TTLL5: variants seen among roughly 807,000 people sequenced by gnomAD.
TTLL5 encodes the protein tubulin polyglutamylase TTLL5.
TTLL5 carries 132 observed loss-of-function variants against 168.4 expected under a neutral mutation model. The observed-to-expected ratio is 0.78, with a 90% CI of 0.68 to 0.91. The LOEUF is 0.91. TTLL5 is among the 40% of genes least tolerant of loss of function. The probability of loss-of-function intolerance (pLI) is 0.00; values close to 1 mark genes in which losing one functional copy is unlikely to be tolerated. For synonymous variants in TTLL5, 546 were observed against 558.6 expected (o/e 0.98, Z 0.32); for missense variants, 1,545 against 1,581.5 (o/e 0.98, Z 0.39).
intron 20 of TTLL5, among the ~76,000 whole-genome samples, chr14:75,770,179 G>GAAAAAAAAAAAA (rs56876692): frequency 3.3e-4 from 28 of 84,956 alleles, no homozygotes; most frequent in Non-Finnish European, 3.8e-4. Context: ...ACTCTGTCTC[G>GAAAAAAAAAAAA]AAAAAAAAAA....
rs940865913 is a variant in TTLL5 at position 75,669,732 on chromosome 14, G to T, written c.181+210G>T. On this transcript the variant is annotated intron_variant, in intron 3 of 31. Coordinates refer to ENST00000298832, the MANE Select transcript of TTLL5 (RefSeq NM_015072.5). ...TTTTTCAAGAATATTGTGTACATGT[G>T]TTTTTTTTTTAATTGTGGTAAAATA... 4.0e-5 allele frequency among the ~76,000 whole-genome samples: 6 copies of T among 149,044 alleles called. No individual in the cohort carries two copies. In the South Asian group the frequency reaches 8.5e-4, roughly 21 times the overall value.
chr14:75,782,209 G>T (rs919567645), intron 24 of TTLL5, among the ~76,000 whole-genome samples: 21 of 151,966 alleles, frequency 1.4e-4, no homozygotes, highest in Non-Finnish European at 2.9e-5. Flanking sequence ...ATAAGCCCTA[G>T]CTTGTTGGCT....
intron 14 of TTLL5, 61 bp from the exon 15 acceptor site, chr14:75,735,134 A>C: frequency 6.7e-7 from 1 of 1,486,388 alleles, no homozygotes; most frequent in Non-Finnish European, 9.4e-7. Flanking sequence ...GAAAAGGTGC[A>C]GCCAGACCTG....
chr14:75,670,445 G>A (rs1883650070), intron 3 of TTLL5, among the ~76,000 whole-genome samples: 1 of 152,116 alleles, frequency 6.6e-6, no homozygotes, highest in Non-Finnish European at 1.5e-5. Flanking sequence ...ACCTAGGAAT[G>A]GAATTGCTAG....
chr14:75,813,485 T>C (rs994761979), intron 27 of TTLL5, among the ~76,000 whole-genome samples: 2 of 152,106 alleles, frequency 1.3e-5, no homozygotes, highest in East Asian at 1.9e-4. Flanking sequence ...ATATTTTTAG[T>C]GGAGAAGGGG....
chr14:75,723,941 A>G (rs1387117692), intron 12 of TTLL5, among the ~76,000 whole-genome samples: 1 of 151,816 alleles, frequency 6.6e-6, no homozygotes, highest in Non-Finnish European at 1.5e-5. Context: ...ATACGTGTGT[A>G]TATTTGTATG....
intron 31 of TTLL5, among the ~76,000 whole-genome samples, chr14:75,945,331 G>A (rs1351414266): frequency 1.3e-5 from 2 of 151,148 alleles, no homozygotes; most frequent in Non-Finnish European, 2.9e-5. Context: ...ATCTTGGCTC[G>A]CTGCAACCTC....
chr14:75,901,286 C>A (rs1413117032), intron 30 of TTLL5, among the ~76,000 whole-genome samples: 1 of 152,056 alleles, frequency 6.6e-6, no homozygotes, highest in Non-Finnish European at 1.5e-5. Flanking sequence ...ACTAAGCAAC[C>A]AGTTACACAG....
chr14:75,863,560 CTG>C (rs2030213845), intron 28 of TTLL5, 105 bp from the exon 29 acceptor site: 2 of 1,075,464 alleles, frequency 1.9e-6, no homozygotes, highest in Non-Finnish European at 2.6e-6. Flanking sequence ...TAATTCCAAA[CTG>C]TGCTTGGTTC....
rs74069227 is a variant in TTLL5, at chr14:75,763,327, A to G, written c.1551-1288A>G. 8.7e-3 allele frequency among the ~76,000 whole-genome samples: 1,321 copies of G among 151,600 alleles called. 17 individuals carry two copies. Among genetic ancestry groups the G allele is most frequent in the African/African-American group, 0.03 (1,256 of 41,230 alleles). On this transcript the variant is annotated intron_variant, in intron 18 of 31. Coordinates refer to ENST00000298832, the MANE Select transcript of TTLL5 (RefSeq NM_015072.5). ...GATAAAATACATTGGAACCATTTTT[A>G]AAGTTCATTGATTTGCTTCCCATTT...
intron 28 of TTLL5, among the ~76,000 whole-genome samples, chr14:75,857,282 T>A (rs1021206105): frequency 1.3e-5 from 2 of 152,172 alleles, no homozygotes; most frequent in Non-Finnish European, 2.9e-5. Context: ...TGTGGTGAAT[T>A]ATATGATAGA....
chr14:75,836,326 G>C (rs936713975), intron 28 of TTLL5, among the ~76,000 whole-genome samples: 1 of 152,012 alleles, frequency 6.6e-6, no homozygotes, highest in African/African-American at 2.4e-5. Flanking sequence ...CTTACTTGTG[G>C]GAGCCAAAAA....
chr14:75,871,549 C>T (rs1250341399), intron 29 of TTLL5, among the ~76,000 whole-genome samples: 1 of 150,684 alleles, frequency 6.6e-6, no homozygotes. Context: ...TATATACTCT[C>T]GTATACACAA....
intron 28 of TTLL5, among the ~76,000 whole-genome samples, chr14:75,855,088 G>A (rs1369684786): frequency 4.8e-5 from 7 of 145,886 alleles, no homozygotes; most frequent in Non-Finnish European, 1.0e-4. Flanking sequence ...GACTAATATA[G>A]ATTCTTTGAT....
chr14:75,696,761 C>T (rs1885905174), intron 6 of TTLL5, among the ~76,000 whole-genome samples: 1 of 152,178 alleles, frequency 6.6e-6, no homozygotes, highest in African/African-American at 2.4e-5. Context: ...TTTACATACC[C>T]TCTAGAGATA....
At position 75,816,709 on chromosome 14, in the gene TTLL5, A is replaced by T. The variant is rs571656870; in HGVS notation, c.3172-3298A>T. Among the ~76,000 whole-genome samples the T allele has an allele frequency of 2.0e-5, 3 of 152,342 alleles. No individual in the cohort carries two copies. In the South Asian group the frequency reaches 6.2e-4, roughly 32 times the overall value. On this transcript the variant is annotated intron_variant, in intron 27 of 31. Coordinates refer to ENST00000298832, the MANE Select transcript of TTLL5 (RefSeq NM_015072.5). ...GCAGTAATTGGAGAAGCTGTTAGTTATCATAAAGACCTTTCTCACTGTACT... is the reference window on the plus strand; with the variant it reads ...GCAGTAATTGGAGAAGCTGTTAGTTTTCATAAAGACCTTTCTCACTGTACT...
intron 15 of TTLL5, chr14:75,737,565 G>A (rs1325188513): frequency 1.3e-6 from 2 of 1,535,328 alleles, no homozygotes; most frequent in Admixed American, 2.0e-5. Flanking sequence ...GTCTTTTATA[G>A]CGTCCAGTAT....
intron 3 of TTLL5, among the ~76,000 whole-genome samples, chr14:75,679,275 A>C (rs772405416): frequency 6.6e-6 from 1 of 152,186 alleles, no homozygotes; most frequent in Non-Finnish European, 1.5e-5. Context: ...AAGAGGCCAG[A>C]GTGTTGTGAT....
chr14:75,723,093 C>T (rs1272665725), intron 12 of TTLL5, among the ~76,000 whole-genome samples: 7 of 152,026 alleles, frequency 4.6e-5, no homozygotes, highest in Admixed American at 1.3e-4. Context: ...AGAATATCTC[C>T]GTCAGTTTTG....
Sources: gnomAD v4.1 joint callset for allele counts (sites outside exome capture counted in the v4.1 genomes callset) on GRCh38, gnomAD v4.1.1 for gene constraint, MANE v1.5 for transcripts, NCBI Gene and HGNC (gene_info 2026-07-23, HGNC 2026-07-21) for gene names.